Variants in GPC5 observed in about 807,000 individuals in gnomAD.
GPC5 encodes glypican-5.
A neutral mutation model predicts 53.9 loss-of-function variants in GPC5; 47 were observed. That is an observed-to-expected ratio of 0.87 (90% CI 0.69 to 1.11). GPC5 has a LOEUF of 1.11. Among genes scored for constraint, GPC5 ranks in the 50% most tolerant of loss-of-function variants. GPC5 has a pLI of 0.00. For missense variants in GPC5, 748 were observed against 713.1 expected, an observed-to-expected ratio of 1.05 and a Z score of -0.56; for synonymous variants, 286 against 263.3, an observed-to-expected ratio of 1.09 and a Z score of -0.84.
At chr13:92,702,829 C>T (rs1887797101) in intron 7 of GPC5, among the ~76,000 whole-genome samples, 1 of 151,942 alleles carries the variant, frequency 6.6e-6, no homozygotes, top group Non-Finnish European at 1.5e-5. Context: ...TATGTGATCT[C>T]CACTCCCTCC....
intron 6 of GPC5, among the ~76,000 whole-genome samples, chr13:92,115,003 T>C (rs1052185835): frequency 1.3e-4 from 20 of 152,240 alleles, no homozygotes; most frequent in Non-Finnish European, 2.5e-4. Context: ...TCATTTCTAT[T>C]ACTTGCTAAA....
chr13:92,187,605 A>G lies in GPC5; in HGVS notation c.1561+42616A>G, dbSNP rs371707594. On this transcript the variant is annotated intron_variant, in intron 7 of 7. Transcript: ENST00000377067. ...AGGTGGCACTGCACCCCTCACTGTC[A>G]TTCTGAGGTGGGTGCTGTGAAGAGA... Among the ~76,000 whole-genome samples, 228 of 152,334 alleles carry G rather than the reference A, an allele frequency of 1.5e-3. 1 individual carries two copies. Among genetic ancestry groups the G allele is most frequent in the Admixed American group, 3.9e-3 (60 of 15,296 alleles).
At chr13:92,602,310 T>C (rs1015522833) in intron 7 of GPC5, among the ~76,000 whole-genome samples, 2 of 146,318 alleles carry the variant, frequency 1.4e-5, no homozygotes, top group African/African-American at 2.5e-5. Flanking sequence ...GAATAATTCC[T>C]GGTCCCTCTG....
At chr13:91,456,294 C>CT (rs888268142) in intron 2 of GPC5, among the ~76,000 whole-genome samples, 13 of 150,468 alleles carry the variant, frequency 8.6e-5, no homozygotes, top group African/African-American at 2.7e-4. Flanking sequence ...AGTGTATAAT[C>CT]TTTTTTTTTA....
At chr13:91,457,742 G>A (rs1011614736) in intron 2 of GPC5, among the ~76,000 whole-genome samples, 2 of 152,066 alleles carry the variant, frequency 1.3e-5, no homozygotes, top group East Asian at 1.9e-4. Flanking sequence ...GACTGCTTTC[G>A]TTTTCATCCT....
At position 91,510,458 on chromosome 13, in the gene GPC5, A is replaced by G. The variant is rs76042460; in HGVS notation, c.325+61536A>G. 6.9e-3 allele frequency among the ~76,000 whole-genome samples: 1,052 copies of G among 152,354 alleles called. 6 individuals carry two copies. Among genetic ancestry groups the G allele is most frequent in the African/African-American group, 0.015 (604 of 41,586 alleles). ...GGTTCCAGAGTCCCCACTGATAACCATAATGCCAGGCAGATTCTTTAAACA... is the reference window on the plus strand; with the variant it reads ...GGTTCCAGAGTCCCCACTGATAACCGTAATGCCAGGCAGATTCTTTAAACA... On this transcript the variant is annotated intron_variant, in intron 2 of 7. Transcript: ENST00000377067.
At chr13:91,994,237 G>A (rs1005378178) in intron 6 of GPC5, among the ~76,000 whole-genome samples, 1 of 152,170 alleles carries the variant, frequency 6.6e-6, no homozygotes, top group Non-Finnish European at 1.5e-5. Flanking sequence ...AAGTGAGCTA[G>A]CCCTGAAAAG....
chr13:91,611,188 T>A (rs1242185449), intron 2 of GPC5, among the ~76,000 whole-genome samples: 1 of 152,222 alleles, frequency 6.6e-6, no homozygotes, highest in African/African-American at 2.4e-5. Flanking sequence ...TAGAGATATG[T>A]AGATTAGACG....
At chr13:92,836,422 A>G (rs1878220881) in intron 7 of GPC5, among the ~76,000 whole-genome samples, 1 of 152,094 alleles carries the variant, frequency 6.6e-6, no homozygotes, top group South Asian at 2.1e-4. Context: ...TCTTACTAAC[A>G]ACAACAAAAA....
At chr13:91,704,095 T>G (rs1312923437) in intron 3 of GPC5, among the ~76,000 whole-genome samples, 1 of 152,206 alleles carries the variant, frequency 6.6e-6, no homozygotes, top group Non-Finnish European at 1.5e-5. Flanking sequence ...TGAAGTCCTC[T>G]ACTCTTTGCA....
chr13:92,265,900 C>A (rs2042799386), intron 7 of GPC5, among the ~76,000 whole-genome samples: 1 of 152,168 alleles, frequency 6.6e-6, no homozygotes, highest in South Asian at 2.1e-4. Context: ...CAGCACCTGG[C>A]AAGGGGCTTC....
intron 2 of GPC5, among the ~76,000 whole-genome samples, chr13:91,596,342 T>C (rs2032994323): frequency 6.6e-6 from 1 of 152,354 alleles, no homozygotes; most frequent in East Asian, 1.9e-4. Flanking sequence ...CTAGATCACA[T>C]GCTATGTGAT....
intron 5 of GPC5, among the ~76,000 whole-genome samples, chr13:91,802,071 A>G (rs1379425124): frequency 6.6e-6 from 1 of 152,218 alleles, no homozygotes; most frequent in Non-Finnish European, 1.5e-5. Flanking sequence ...ATAGAGCAAT[A>G]TTTAAGTTAT....
chr13:92,738,564 GAAT>G (rs1404763299), intron 7 of GPC5, among the ~76,000 whole-genome samples: 3 of 152,006 alleles, frequency 2.0e-5, no homozygotes, highest in African/African-American at 4.8e-5. Flanking sequence ...GAGTGTGAAG[GAAT>G]AATAATGTTT....
intron 7 of GPC5, among the ~76,000 whole-genome samples, chr13:92,303,767 G>T (rs534277575): frequency 6.6e-6 from 1 of 152,240 alleles, no homozygotes; most frequent in African/African-American, 2.4e-5. Flanking sequence ...TACTCATACA[G>T]TGTTTGATAT....
chr13:92,490,065 A>T lies in GPC5; in HGVS notation c.1561+345076A>T, dbSNP rs370506273. On this transcript the variant is annotated intron_variant, in intron 7 of 7. Coordinates refer to ENST00000377067, the MANE Select transcript of GPC5 (RefSeq NM_004466.6). ...ATACTCTTCTTGTGCATTTTAAAAAATTTATCTATAATGTGCAGTTAAACT... is the reference window on the plus strand; with the variant it reads ...ATACTCTTCTTGTGCATTTTAAAAATTTTATCTATAATGTGCAGTTAAACT... 130 of 153,806 alleles carry T rather than the reference A, an allele frequency of 8.5e-4. 1 individual carries two copies. The highest frequency in any genetic ancestry group is 2.9e-3 in the African/African-American group (122 of 41,606). 9.5% of individuals were successfully genotyped at this position (153,806 alleles called of 1,614,324 possible).
chr13:91,786,157 T>C (rs345450), intron 5 of GPC5, among the ~76,000 whole-genome samples: 54,609 of 151,896 alleles, frequency 0.36, 11,389 homozygotes, highest in African/African-American at 0.58. Flanking sequence ...CCACCACGCC[T>C]GGCTAATTTT....
intron 2 of GPC5, among the ~76,000 whole-genome samples, chr13:91,668,635 TA>T (rs1322135089): frequency 1.1e-4 from 16 of 151,734 alleles, no homozygotes; most frequent in Admixed American, 4.6e-4. Context: ...TTTTAATCTC[TA>T]AAAAAAAGAA....
At chr13:92,332,923 G>A (rs904290669) in intron 7 of GPC5, among the ~76,000 whole-genome samples, 2 of 152,154 alleles carry the variant, frequency 1.3e-5, no homozygotes, top group African/African-American at 4.8e-5. Context: ...AGCAAAAAGT[G>A]AAATGACTGA....
Sources: allele counts gnomAD v4.1 joint callset (sites outside exome capture counted in the v4.1 genomes callset), GRCh38; gene constraint gnomAD v4.1.1; transcripts MANE v1.5; gene names NCBI Gene and HGNC (gene_info 2026-07-23, HGNC 2026-07-21).